The following VNN2 variants were observed in gnomAD, a reference collection of about 807,000 sequenced individuals.
The protein encoded by VNN2 is vanin 2, also known as pantetheine hydrolase VNN2.
A neutral mutation model predicts 43.0 loss-of-function variants in VNN2; 43 were observed. That is an observed-to-expected ratio of 1.00 (90% confidence interval 0.78 to 1.29). VNN2 has a LOEUF of 1.29. VNN2 is among the 50% of genes most tolerant of loss of function. VNN2 has a pLI of 0.00. For synonymous variants in VNN2, 230 were observed against 224.3 expected, an observed-to-expected ratio of 1.03 and a Z score of -0.23; for missense variants, 652 against 619.7, an observed-to-expected ratio of 1.05 and a Z score of -0.55.
chr6:132,755,577 G>A (rs1562250517), intron 3 of VNN2, among the ~76,000 whole-genome samples: 1 of 151,890 alleles, frequency 6.6e-6, no homozygotes, highest in Non-Finnish European at 1.5e-5. Flanking sequence ...GTTTCACAAT[G>A]TTGGCCAGAC....
intron 6 of VNN2, among the ~76,000 whole-genome samples, chr6:132,748,111 T>C (rs1233448193): frequency 6.6e-6 from 1 of 152,222 alleles, no homozygotes; most frequent in Non-Finnish European, 1.5e-5. Flanking sequence ...AATGCATCAA[T>C]ATGGCTAGAC....
At chr6:132,750,513 A>ATATATATATATTTTTTTTTTTTTT (rs201643856) in intron 5 of VNN2, among the ~76,000 whole-genome samples, 4 of 78,514 alleles carry the variant, frequency 5.1e-5, no homozygotes, top group African/African-American at 1.9e-4. Flanking sequence ...ATATATATAT[A>ATATATATATATTTTTTTTTTTTTT]TTTTTCCAGG....
rs1443205046 is a variant in VNN2 at position 132,744,386 on chromosome 6, A to G, written c.1477T>C (p.Cys493Arg). 9 of 1,613,852 alleles carry G rather than the reference A, an allele frequency of 5.6e-6. No individual in the cohort carries two copies. In the East Asian group the frequency reaches 1.3e-4, roughly 24 times the overall value. The change falls in exon 7 of 7, where the codon TGT becomes CGT. Residue 493 changes from cysteine to arginine, a missense_variant. By Grantham distance (180) the Cys-to-Arg change is radical. Transcript: ENST00000326499. ...WYTKDSLYSS[C>R]GTSNSAITYL... ...GTTATTGCTGAATTGCTGGTCCCAC[A>G]TGAGCTGTAAAGTGAGTCCTTTGTG...
chr6:132,759,438 CAAAAAAAAAAAAAAA>C (rs58195059), upstream of VNN2, among the ~76,000 whole-genome samples: 1 of 69,174 alleles, frequency 1.4e-5, no homozygotes, highest in Non-Finnish European at 2.9e-5. Context: ...AACTCCGTCT[CAAAAAAAAAAAAAAA>C]AAAAAAAACA....
At chr6:132,747,293 T>C (rs895050391) in intron 6 of VNN2, among the ~76,000 whole-genome samples, 4 of 152,076 alleles carry the variant, frequency 2.6e-5, no homozygotes, top group Non-Finnish European at 4.4e-5. Context: ...CTGTAACCCA[T>C]AAATATATAC....
At chr6:132,750,449 G>T (rs997712547) in intron 5 of VNN2, among the ~76,000 whole-genome samples, 17 of 140,600 alleles carry the variant, frequency 1.2e-4, no homozygotes, top group Non-Finnish European at 2.5e-4. Context: ...AGACCAGCCT[G>T]GCCAACATGG....
In VNN2 at chr6:132,757,752, T is replaced by A. The variant is rs1780571200; in HGVS notation, c.132A>T (p.Pro44=). 1.9e-6 allele frequency: 3 copies of A among 1,614,026 alleles called. No homozygotes were observed. Among genetic ancestry groups the A allele is most frequent in the African/African-American group, 2.7e-5 (2 of 74,886 alleles). Residue 44 remains proline (P), a synonymous_variant, in exon 1 of 7, where the codon CCA becomes CCT. Coordinates refer to ENST00000326499, the MANE Select transcript of VNN2 (RefSeq NM_004665.6). ...GATTCAAGGCATCCTCCTGAGAAAC[T>A]GGTGTTTCTGTTTTATTTGGCAAAA... ...AVILPNKTET[P]VSQEDALNLM...
upstream of VNN2, among the ~76,000 whole-genome samples, chr6:132,759,056 T>C (rs1780663007): frequency 2.0e-5 from 3 of 152,154 alleles, 1 homozygote; most frequent in Non-Finnish European, 1.5e-5. Flanking sequence ...GAGTCCAGGA[T>C]TGGTGATAAA....
chr6:132,751,423 G>A lies in VNN2; in HGVS notation c.922C>T (p.Pro308Ser). 4.3e-6 allele frequency: 7 copies of A among 1,614,194 alleles called. No homozygotes were observed. Among genetic ancestry groups the A allele is most frequent in the Middle Eastern group, 1.6e-4 (1 of 6,062 alleles). Reference sequence around the variant, plus strand: ...GTTGGGTAGGCAAGCGAGGATAGGGGATGTGAATCCACCTCTGAAAGGAGA... The same window carrying A: ...GTTGGGTAGGCAAGCGAGGATAGGGAATGTGAATCCACCTCTGAAAGGAGA... ...KLLLSEVDSHPLSSLAYPTAV... is the reference protein window; with the variant it reads ...KLLLSEVDSHSLSSLAYPTAV... The change falls in exon 5 of 7, where the codon CCC becomes TCC. Residue 308 changes from proline to serine, a missense_variant. Pro to Ser is a moderately conservative substitution (Grantham distance 74, BLOSUM62 -1). Transcript: ENST00000326499.
At chr6:132,748,222 G>A (rs1419843477) in intron 6 of VNN2, among the ~76,000 whole-genome samples, 1 of 152,058 alleles carries the variant, frequency 6.6e-6, no homozygotes, top group African/African-American at 2.4e-5. Flanking sequence ...CCACCTTTTA[G>A]CTACTGGATT....
intron 6 of VNN2, among the ~76,000 whole-genome samples, chr6:132,747,603 C>T (rs754852715): frequency 1.3e-5 from 2 of 151,886 alleles, no homozygotes; most frequent in East Asian, 1.9e-4. Context: ...GGCAACACAG[C>T]GAGACGCCAT....
intron 6 of VNN2, among the ~76,000 whole-genome samples, chr6:132,749,161 G>T (rs998317196): frequency 2.0e-5 from 3 of 152,014 alleles, no homozygotes; most frequent in African/African-American, 7.2e-5. Flanking sequence ...TCCTTTTGCC[G>T]TGTGATTTTA....
Position 132,744,209 on chromosome 6 carries a change from T to A in VNN2, c.*91A>T. 8.4e-7 allele frequency: 1 copy of A among 1,183,736 alleles called. No individual in the cohort carries two copies. The highest frequency in any genetic ancestry group is 1.2e-6 in the Non-Finnish European group (1 of 834,200). 73.3% of individuals were successfully genotyped at this position (1,183,736 alleles called of 1,614,324 possible). On this transcript the variant is annotated 3_prime_UTR_variant, in exon 7 of 7. Transcript: ENST00000326499. ...GACTCACTGGTCTATACTACTGAAA[T>A]AGCCCTTCAAAGTTTCTTAGTAAAC...
rs117133724 is a variant in VNN2 at position 132,757,620 on chromosome 6, C to T, written c.213+51G>A. On this transcript the variant is annotated intron_variant, in intron 1 of 6. Transcript: ENST00000326499. ...ACAATTCAGCTCTCTCGTCTTCCACCAGCTCCCATGCCCCTCGTGTACATT... is the reference window on the plus strand; with the variant it reads ...ACAATTCAGCTCTCTCGTCTTCCACTAGCTCCCATGCCCCTCGTGTACATT... The T allele has an allele frequency of 3.1e-3, 4,914 of 1,607,528 alleles. 7 individuals are homozygous for T. The highest frequency in any genetic ancestry group is 5.3e-3 in the Middle Eastern group (32 of 6,042).
rs768338812 is a variant in VNN2 at position 132,757,471 on chromosome 6, G to C, written c.289C>G (p.Leu97Val). 1.4e-5 allele frequency: 22 copies of C among 1,613,918 alleles called. No individual in the cohort carries two copies. The highest frequency in any genetic ancestry group is 1.8e-5 in the Non-Finnish European group (21 of 1,179,944). The stretch of plus-strand genomic sequence containing the variant: ...ACCTGAGGGTCTGGGATATCCTCCA[G>C]ATAAGGGAAAACAGTTTCCCTGGTA... ...KFTRETVFPY[L>V]EDIPDPQVNW... Residue 97 changes from leucine (L) to valine (V), a missense_variant, in exon 2 of 7, where the codon CTG (leucine) becomes GTG (valine). Coordinates refer to ENST00000326499, the MANE Select transcript of VNN2 (RefSeq NM_004665.6).
At chr6:132,758,665 A>T (rs1200081571), upstream of VNN2, among the ~76,000 whole-genome samples, 1 of 152,142 alleles carries the variant, frequency 6.6e-6, no homozygotes, top group Non-Finnish European at 1.5e-5. Flanking sequence ...CGGGGGGGAA[A>T]ATATTAAATA....
chr6:132,744,703 C>G (rs984086137), intron 6 of VNN2, among the ~76,000 whole-genome samples: 1 of 152,148 alleles, frequency 6.6e-6, no homozygotes, highest in African/African-American at 2.4e-5. Flanking sequence ...TTTCAACAAT[C>G]AAATGTAACC....
In VNN2 at chr6:132,743,991, T is replaced by C; in HGVS notation, c.*309A>G. 4.9e-6 allele frequency: 1 copy of C among 204,404 alleles called. No individual in the cohort carries two copies. Among genetic ancestry groups the C allele is most frequent in the Non-Finnish European group, 9.7e-6 (1 of 103,284 alleles). The allele number at this position is 204,404 out of a possible 1,614,324, so 12.7% of individuals were successfully genotyped here. A position where few individuals can be genotyped will look rare whatever the true frequency, so the allele number is the denominator to read the frequency against. ...ATGGCCCTGAAACTCCTCACTCCCA[T>C]ACATACAAGTCCCCCATACACACAA... On this transcript the variant is annotated 3_prime_UTR_variant, in exon 7 of 7. Coordinates refer to ENST00000326499, the MANE Select transcript of VNN2 (RefSeq NM_004665.6).
intron 6 of VNN2, among the ~76,000 whole-genome samples, chr6:132,745,549 G>A (rs1779666347): frequency 6.6e-6 from 1 of 152,142 alleles, no homozygotes; most frequent in Non-Finnish European, 1.5e-5. Context: ...TGGGATCATG[G>A]CGGGAATATT....
Sources: gnomAD v4.1 joint callset for allele counts (sites outside exome capture counted in the v4.1 genomes callset) on GRCh38, gnomAD v4.1.1 for gene constraint, MANE v1.5 for transcripts, NCBI Gene and HGNC (gene_info 2026-07-23, HGNC 2026-07-21) for gene names.